The following TMEM120B variants were observed in gnomAD, a reference collection of about 807,000 sequenced individuals.
The protein encoded by TMEM120B is transmembrane protein 120B.
In TMEM120B, 31 loss-of-function variants were observed where a neutral mutation model predicts 55.5. The observed-to-expected ratio is 0.56, with a 90% CI of 0.42 to 0.75. The LOEUF is 0.75. Ranked by LOEUF, TMEM120B falls within the 30% of genes least tolerant of loss-of-function variation. TMEM120B has a pLI of 0.00. For synonymous variants in TMEM120B, 203 were observed against 176.3 expected (o/e 1.15, Z -1.20); for missense variants, 399 against 425.5 (o/e 0.94, Z 0.55).
At chr12:121,767,379 C>T (rs918976061) in intron 6 of TMEM120B, among the ~76,000 whole-genome samples, 3 of 152,184 alleles carry the variant, frequency 2.0e-5, no homozygotes, top group African/African-American at 7.2e-5. Context: ...CCAGGATGGT[C>T]TCGATCTCCT....
intron 2 of TMEM120B, among the ~76,000 whole-genome samples, chr12:121,745,829 A>G (rs1033666452): frequency 1.3e-5 from 2 of 151,822 alleles, no homozygotes; most frequent in Admixed American, 1.3e-4. Context: ...GACTACATGC[A>G]TGTACCACCA....
At chr12:121,714,647 C>T (rs528354998) in intron 1 of TMEM120B, among the ~76,000 whole-genome samples, 15 of 150,402 alleles carry the variant, frequency 1.0e-4, no homozygotes, top group African/African-American at 2.7e-4. Context: ...CTGCAACCTC[C>T]GCCTCCCGGA....
intron 8 of TMEM120B, among the ~76,000 whole-genome samples, chr12:121,772,544 C>T (rs1442183734): frequency 2.6e-5 from 4 of 151,724 alleles, no homozygotes; most frequent in African/African-American, 9.7e-5. Context: ...AAGCGATTCT[C>T]CTGCCAAGTA....
rs781188748 is a variant in TMEM120B, at chr12:121,748,306, G to A, written c.189-20G>A. ...CTCTGAGTGACGCCCCTTCCCCTGT[G>A]CCTGCATCTCTGTCCGCAGGTGCAA... On this transcript the variant is annotated intron_variant, in intron 2 of 11. Coordinates refer to ENST00000449592, the MANE Select transcript of TMEM120B (RefSeq NM_001080825.2). The A allele has an allele frequency of 1.3e-6, 2 of 1,590,426 alleles. No individual in the cohort carries two copies. The highest frequency in any genetic ancestry group is 2.7e-5 in the African/African-American group (2 of 74,474).
At position 121,715,924 on chromosome 12, in the gene TMEM120B, G is replaced by A. The variant is rs534088031; in HGVS notation, c.69+2960G>A. ...AGATGTGAGAGCTCTGAACTCTCAAGATGCAAGGCTCTGGGACTCTGTATA... is the reference window on the plus strand; with the variant it reads ...AGATGTGAGAGCTCTGAACTCTCAAAATGCAAGGCTCTGGGACTCTGTATA... On this transcript the variant is annotated intron_variant, in intron 1 of 11. Transcript: ENST00000449592. 6.6e-5 allele frequency among the ~76,000 whole-genome samples: 10 copies of A among 151,248 alleles called. No individual in the cohort carries two copies. In the South Asian group the frequency reaches 1.0e-3, roughly 16 times the overall value.
rs1451439290 is a variant in TMEM120B, at chr12:121,712,810, G to T, written c.-86G>T. On this transcript the variant is annotated 5_prime_UTR_variant, in exon 1 of 12. Transcript: ENST00000449592. ...GCTGGTGCCTCCGAGGGCGGTCGGC[G>T]AGCGCGCGGGCGTGGGGCGCTGGGG... The T allele has an allele frequency of 3.8e-6, 4 of 1,059,032 alleles. No individual in the cohort carries two copies. The highest frequency in any genetic ancestry group is 7.8e-5 in the South Asian group (2 of 25,732). 65.6% of individuals were successfully genotyped at this position (1,059,032 alleles called of 1,614,324 possible). A position where few individuals can be genotyped will look rare whatever the true frequency, so the allele number is the denominator to read the frequency against.
rs73413708 is a variant in TMEM120B at position 121,775,238 on chromosome 12, G to C, written c.906+108G>C. The C allele has an allele frequency of 0.099, 103,470 of 1,043,892 alleles. 9,238 individuals carry two copies. Among genetic ancestry groups the C allele is most frequent in the African/African-American group, 0.29 (17,021 of 59,116 alleles). 64.7% of individuals were successfully genotyped at this position (1,043,892 alleles called of 1,614,324 possible). On this transcript the variant is annotated intron_variant, in intron 11 of 11. Coordinates refer to ENST00000449592, the MANE Select transcript of TMEM120B (RefSeq NM_001080825.2). The surrounding 1 kb of genome is among the most constrained non-coding windows in gnomAD (Gnocchi z 4.3). ...GGTGCGGATTCCTGGGGAGGGCTGG[G>C]ATGGCAGATGTGGGGGTGGGGTGTG...
At chr12:121,727,362 C>A (rs538983988) in intron 1 of TMEM120B, among the ~76,000 whole-genome samples, 13 of 150,876 alleles carry the variant, frequency 8.6e-5, no homozygotes, top group African/African-American at 3.2e-4. Context: ...ATAATGAGAC[C>A]CCGTCTCTGC....
chr12:121,732,978 CAA>C (rs773677592), intron 1 of TMEM120B, among the ~76,000 whole-genome samples: 35 of 88,534 alleles, frequency 4.0e-4, no homozygotes, highest in Admixed American at 5.0e-4. Context: ...GACTCTGTCT[CAA>C]AAAAAAAAAA....
chr12:121,722,199 A>G (rs1894806669), intron 1 of TMEM120B, among the ~76,000 whole-genome samples: 1 of 151,656 alleles, frequency 6.6e-6, no homozygotes, highest in Non-Finnish European at 1.5e-5. Flanking sequence ...CCCGGGTTCA[A>G]GCGATTCTTC....
At chr12:121,740,410 G>T (rs1379262618) in intron 1 of TMEM120B, among the ~76,000 whole-genome samples, 4 of 151,898 alleles carry the variant, frequency 2.6e-5, no homozygotes, top group African/African-American at 7.3e-5. Flanking sequence ...CTTGAACCCG[G>T]GGAGGTGAAG....
intron 4 of TMEM120B, among the ~76,000 whole-genome samples, 190 bp from the exon 5 acceptor site, chr12:121,751,938 C>T (rs1157714787): frequency 6.6e-6 from 1 of 152,226 alleles, no homozygotes; most frequent in Non-Finnish European, 1.5e-5. Context: ...CTTCTGCATA[C>T]TTGGCCCTCT....
At chr12:121,750,942 ACAC>A (rs1873288140) in intron 4 of TMEM120B, among the ~76,000 whole-genome samples, 1 of 15,444 alleles carries the variant, frequency 6.5e-5, no homozygotes. Context: ...CCCACACCCC[ACAC>A]TAACACCCCA....
At position 121,771,109 on chromosome 12, in the gene TMEM120B, AGCTGCGCCGG is replaced by A. The variant is rs562585896; in HGVS notation, c.617+145_617+154del. On this transcript the variant is annotated intron_variant, in intron 7 of 11. Coordinates refer to ENST00000449592, the MANE Select transcript of TMEM120B (RefSeq NM_001080825.2). ...CTTGGGAAAGAAAGTATGAGCCTGC[AGCTGCGCCGG>A]GCTGCGCGGGCCCCACCCAGCCCGT... 468 of 990,726 alleles carry A rather than the reference AGCTGCGCCGG, an allele frequency of 4.7e-4. 3 individuals are homozygous for A. The African/African-American group carries it at 6.6e-3, about 14-fold the overall frequency. 61.4% of individuals were successfully genotyped at this position (990,726 alleles called of 1,614,324 possible).
chr12:121,748,475 A>G (rs775593060), intron 3 of TMEM120B, 33 bp downstream of exon 3: 2 of 1,462,170 alleles, frequency 1.4e-6, no homozygotes, highest in South Asian at 1.2e-5. Flanking sequence ...CCCCTAGCAC[A>G]GGCCCATGCC....
chr12:121,728,093 T>A (rs1053985731), intron 1 of TMEM120B, among the ~76,000 whole-genome samples: 1 of 150,844 alleles, frequency 6.6e-6, no homozygotes, highest in African/African-American at 2.4e-5. Flanking sequence ...CTGCGCCCTC[T>A]GCCTTCCGGG....
At chr12:121,743,863 C>T (rs1873006130) in intron 2 of TMEM120B, 116 bp downstream of exon 2, 4 of 732,856 alleles carry the variant, frequency 5.5e-6, no homozygotes, top group Non-Finnish European at 9.2e-6. Flanking sequence ...CTGGGAGTTG[C>T]TTCAGGCATC....
intron 3 of TMEM120B, among the ~76,000 whole-genome samples, chr12:121,749,905 C>G (rs1170281198): frequency 1.3e-5 from 1 of 79,852 alleles, no homozygotes; most frequent in Non-Finnish European, 2.7e-5. Flanking sequence ...GACTCTGTCT[C>G]AAAAAAAAAA....
At chr12:121,734,158 G>C (rs899016541) in intron 1 of TMEM120B, among the ~76,000 whole-genome samples, 2 of 126,124 alleles carry the variant, frequency 1.6e-5, no homozygotes, top group Non-Finnish European at 3.3e-5. Context: ...CATAGAGGGA[G>C]GCCTGACTGT....
Sources: gnomAD v4.1 joint callset for allele counts (sites outside exome capture counted in the v4.1 genomes callset) on GRCh38, gnomAD v4.1.1 for gene constraint, Gnocchi (gnomAD v3.1) non-coding constraint, MANE v1.5 for transcripts, NCBI Gene and HGNC (gene_info 2026-07-23, HGNC 2026-07-21) for gene names.